The following ZNF45 variants were observed in gnomAD, a reference collection of about 807,000 sequenced individuals.
ZNF45 encodes zinc finger protein 45.
Under a neutral mutation model 12.0 loss-of-function variants are expected in ZNF45, and 4 were observed. The observed-to-expected ratio is 0.33, with a 90% CI of 0.16 to 0.76. The LOEUF is 0.76. ZNF45 is among the 30% of genes least tolerant of loss of function. The pLI is 0.60. For synonymous variants in ZNF45, 272 were observed against 279.6 expected, an observed-to-expected ratio of 0.97 and a Z score of 0.27; for missense variants, 700 against 813.0, an observed-to-expected ratio of 0.86 and a Z score of 1.69.
At chr19:43,922,262 TGA>T (rs1267370785) in intron 6 of ZNF45, 45 bp from the exon 7 acceptor site, 1 of 1,419,094 alleles carries the variant, frequency 7.0e-7, no homozygotes. Flanking sequence ...AAAAAAGCCA[TGA>T]GAGTTTGGCC....
chr19:43,925,203 GCCAGTGACTTGATCATGGACTTC>G (rs1973574677), intron 4 of ZNF45, 99 bp downstream of exon 4: 1 of 152,222 alleles, frequency 6.6e-6, no homozygotes, highest in African/African-American at 2.4e-5. Context: ...CATTGGATTT[GCCAGTGACTTGATCATGGACTTC>G]CCAGTCTCCA....
intron 2 of ZNF45, among the ~76,000 whole-genome samples, chr19:43,934,220 A>C (rs139759101): frequency 3.3e-5 from 5 of 152,272 alleles, no homozygotes; most frequent in African/African-American, 1.2e-4. Context: ...CCCATATCAC[A>C]ATACCCACAT....
intron 3 of ZNF45, among the ~76,000 whole-genome samples, chr19:43,928,185 A>AAAC (rs1314354057): frequency 1.3e-5 from 2 of 151,314 alleles, no homozygotes; most frequent in Non-Finnish European, 3.0e-5. Flanking sequence ...CTGTCTCAAA[A>AAAC]AAAAAAAAAA....
rs1974407094 is a variant in ZNF45 at position 43,935,157 on chromosome 19, G to C, written c.-989C>G. On this transcript the variant is annotated 5_prime_UTR_variant, in exon 1 of 10. Coordinates refer to ENST00000269973, the MANE Select transcript of ZNF45 (RefSeq NM_003425.4). ...GCAGCGTCTTTTCCTGCTGACCGAA[G>C]TGCGAGCCCTGCTGATCCTACGACC... The C allele has an allele frequency of 6.6e-6, 1 of 152,404 alleles. No homozygotes were observed. Among genetic ancestry groups the C allele is most frequent in the Non-Finnish European group, 1.5e-5 (1 of 68,158 alleles). 9.4% of individuals were successfully genotyped at this position (152,404 alleles called of 1,614,324 possible). A position where few individuals can be genotyped will look rare whatever the true frequency, so the allele number is the denominator to read the frequency against.
intron 3 of ZNF45, among the ~76,000 whole-genome samples, chr19:43,929,418 C>G (rs757379239): frequency 3.9e-5 from 6 of 152,220 alleles, no homozygotes; most frequent in Non-Finnish European, 8.8e-5. Flanking sequence ...TGCTGAATCA[C>G]AGGGCCAGAC....
intron 7 of ZNF45, among the ~76,000 whole-genome samples, chr19:43,920,644 A>C (rs1197198602): frequency 1.7e-5 from 2 of 117,152 alleles, no homozygotes; most frequent in African/African-American, 6.5e-5. Context: ...TCTGTTCCCC[A>C]GGCTGGAGTG....
chr19:43,915,991 T>C (rs1972634915), intron 9 of ZNF45, among the ~76,000 whole-genome samples: 1 of 152,150 alleles, frequency 6.6e-6, no homozygotes, highest in Admixed American at 6.5e-5. Flanking sequence ...GCAATTAAAG[T>C]TTCCATAACC....
intron 5 of ZNF45, 21 bp downstream of exon 5, chr19:43,924,381 G>A (rs994611438): frequency 6.6e-6 from 1 of 152,238 alleles, no homozygotes; most frequent in Non-Finnish European, 1.5e-5. Flanking sequence ...GTGAATTTAT[G>A]CAATGCCCTT....
intron 7 of ZNF45, 152 bp downstream of exon 7, chr19:43,922,019 A>C: frequency 1.6e-6 from 1 of 614,322 alleles, no homozygotes; most frequent in Non-Finnish European, 2.5e-6. Context: ...AAATTAAACA[A>C]CACAAAAGTA....
At position 43,913,354 on chromosome 19, in the gene ZNF45, T is replaced by C; in HGVS notation, c.*33A>G. On this transcript the variant is annotated 3_prime_UTR_variant, in exon 10 of 10. Transcript: ENST00000269973. ...TATGATAGCTCTGATTATTAAAATA[T>C]TTCAGCACCCATCTGAGATAGTAAA... The C allele has an allele frequency of 6.6e-7, 1 of 1,520,090 alleles. No homozygotes were observed. The highest frequency in any genetic ancestry group is 8.8e-7 in the Non-Finnish European group (1 of 1,136,292). The allele number at this position is 1,520,090 out of a possible 1,614,324, so 94.2% of individuals were successfully genotyped here.
chr19:43,926,129 T>C (rs1005013213), intron 3 of ZNF45, among the ~76,000 whole-genome samples: 1 of 152,236 alleles, frequency 6.6e-6, no homozygotes, highest in African/African-American at 2.4e-5. Context: ...AAACAGTTCC[T>C]GTACAAAGTA....
intron 9 of ZNF45, among the ~76,000 whole-genome samples, chr19:43,918,403 T>G (rs1972860538): frequency 6.6e-6 from 1 of 152,190 alleles, no homozygotes; most frequent in Admixed American, 6.5e-5. Context: ...TCCTAACTCC[T>G]AAGGCATTAG....
In ZNF45 at chr19:43,912,735, A is replaced by G. The variant is rs1972316468; in HGVS notation, c.*652T>C. 6.6e-6 allele frequency: 1 copy of G among 152,206 alleles called. No homozygotes were observed. The highest frequency in any genetic ancestry group is 1.5e-5 in the Non-Finnish European group (1 of 68,032). The allele number at this position is 152,206 out of a possible 1,614,324, so 9.4% of individuals were successfully genotyped here. A position where few individuals can be genotyped will look rare whatever the true frequency, so the allele number is the denominator to read the frequency against. On this transcript the variant is annotated 3_prime_UTR_variant, in exon 10 of 10. Coordinates refer to ENST00000269973, the MANE Select transcript of ZNF45 (RefSeq NM_003425.4). The stretch of plus-strand genomic sequence containing the variant: ...CAAAATTCAGAAAGCCATGAACTTG[A>G]GACTTGTGCATGTTACTGCATGCAG...
intron 3 of ZNF45, chr19:43,931,152 T>C (rs964302981): frequency 6.6e-6 from 1 of 152,186 alleles, no homozygotes; most frequent in African/African-American, 2.4e-5. Flanking sequence ...ATCACTATCA[T>C]AGAAACTATG....
In ZNF45 at chr19:43,913,967, T is replaced by C. The variant is rs1310626703; in HGVS notation, c.1469A>G (p.His490Arg). 6.2e-7 allele frequency: 1 copy of C among 1,613,832 alleles called. No homozygotes were observed. Among genetic ancestry groups the C allele is most frequent in the Non-Finnish European group, 8.5e-7 (1 of 1,179,918 alleles). The change falls in exon 10 of 10, where the codon CAC (histidine) becomes CGC (arginine). Residue 490 changes from histidine (H) to arginine (R), a missense_variant. Physicochemically the swap from His to Arg is conservative, Grantham distance 29. Transcript: ENST00000269973. ...TTTCTCTCCTGTGTGGATTCTACAG[T>C]GTACATTAAGATCTGAGCTCCGACT... ...GFSRSSDLNV[H>R]CRIHTGEKPY... is the part of the protein sequence containing the mutation.
chr19:43,914,769 CATTTGTGT>C lies in ZNF45; in HGVS notation c.659_666del (p.Tyr220Ter). ...TGACTAAAACTCCTGTAACTTGCATCATTTGTGTATGATTTTGCTCTACTGTGGACTCT... is the reference window on the plus strand; with the variant it reads ...TGACTAAAACTCCTGTAACTTGCATCATGATTTTGCTCTACTGTGGACTCT... On this transcript the variant is annotated frameshift_variant, in exon 10 of 10. Coordinates refer to ENST00000269973, the MANE Select transcript of ZNF45 (RefSeq NM_003425.4). LOFTEE classifies it low-confidence loss of function (END_TRUNC). 1 of 1,614,154 alleles carries C rather than the reference CATTTGTGT, an allele frequency of 6.2e-7. No homozygotes were observed. The highest frequency in any genetic ancestry group is 8.5e-7 in the Non-Finnish European group (1 of 1,180,036).
chr19:43,934,981 G>A lies in ZNF45; in HGVS notation c.-813C>T. ...GTGGGAGGTGGGGGAAGGCGGGTCG[G>A]GCCGCTGAGAGCCCAGGAGATCCTC... On this transcript the variant is annotated 5_prime_UTR_variant, in exon 1 of 10. Transcript: ENST00000269973. 1 of 152,398 alleles carries A rather than the reference G, an allele frequency of 6.6e-6. No individual in the cohort carries two copies. The highest frequency in any genetic ancestry group is 1.5e-5 in the Non-Finnish European group (1 of 68,112). 9.4% of individuals were successfully genotyped at this position (152,398 alleles called of 1,614,324 possible). A position where few individuals can be genotyped will look rare whatever the true frequency, so the allele number is the denominator to read the frequency against.
intron 9 of ZNF45, among the ~76,000 whole-genome samples, chr19:43,916,667 G>C (rs1462032308): frequency 1.3e-5 from 2 of 152,172 alleles, no homozygotes; most frequent in Non-Finnish European, 2.9e-5. Flanking sequence ...GTGTTCAATA[G>C]ATGTGTTGAA....
rs1972431840 is a variant in ZNF45, at chr19:43,914,082, C to T, written c.1354G>A (p.Gly452Ser). The change falls in exon 10 of 10, where the codon GGC (glycine) becomes AGC (serine). Residue 452 changes from glycine (G) to serine (S), a missense_variant. Coordinates refer to ENST00000269973, the MANE Select transcript of ZNF45 (RefSeq NM_003425.4). ...AGAAGATTTGAGGCCTGGCTGAAGCCCTTGCCACACTCCTCACATTTATAG... is the reference window on the plus strand; with the variant it reads ...AGAAGATTTGAGGCCTGGCTGAAGCTCTTGCCACACTCCTCACATTTATAG... ...KPYKCEECGKGFSQASNLLAH... is the reference protein window; with the variant it reads ...KPYKCEECGKSFSQASNLLAH... 3.7e-6 allele frequency: 6 copies of T among 1,613,916 alleles called. No homozygotes were observed. Among genetic ancestry groups the T allele is most frequent in the Non-Finnish European group, 5.1e-6 (6 of 1,179,978 alleles).
Sources: allele counts gnomAD v4.1 joint callset (sites outside exome capture counted in the v4.1 genomes callset), GRCh38; gene constraint gnomAD v4.1.1; transcripts MANE v1.5; gene names NCBI Gene and HGNC (gene_info 2026-07-23, HGNC 2026-07-21).